FAM222B: variants seen among roughly 807,000 people sequenced by gnomAD.
FAM222B encodes the protein family with sequence similarity 222 member B.
A neutral mutation model predicts 38.0 loss-of-function variants in FAM222B; 12 were observed. The observed-to-expected ratio is 0.32, with a 90% CI of 0.20 to 0.51. The LOEUF is 0.51. Ranked by LOEUF, FAM222B falls within the 20% of genes least tolerant of loss-of-function variation. FAM222B has a pLI of 0.97. For synonymous variants in FAM222B, 329 were observed against 317.2 expected (o/e 1.04, Z -0.40); for missense variants, 716 against 754.2 (o/e 0.95, Z 0.59).
upstream of FAM222B, among the ~76,000 whole-genome samples, chr17:28,845,600 AAAAT>A (rs923487894): frequency 1.1e-4 from 16 of 151,886 alleles, no homozygotes; most frequent in Admixed American, 2.6e-4. Context: ...AAAAAAAGAA[AAAAT>A]AAATAAATAG....
intron 1 of FAM222B, among the ~76,000 whole-genome samples, chr17:28,772,863 C>G (rs1371224299): frequency 6.6e-6 from 1 of 152,126 alleles, no homozygotes; most frequent in Non-Finnish European, 1.5e-5. Flanking sequence ...CCACTGCACT[C>G]CAGCCTCGGC....
intron 1 of FAM222B, among the ~76,000 whole-genome samples, chr17:28,826,452 C>T (rs2038443224): frequency 6.6e-6 from 1 of 151,916 alleles, no homozygotes. Context: ...AGGCCGAGGC[C>T]AGTGGATCAC....
intron 1 of FAM222B, among the ~76,000 whole-genome samples, chr17:28,803,566 G>A (rs2037337998): frequency 6.6e-6 from 1 of 151,910 alleles, no homozygotes; most frequent in South Asian, 2.1e-4. Context: ...CAAAGTGTTG[G>A]GATTACAGGC....
intron 1 of FAM222B, chr17:28,849,631 G>T: frequency 6.6e-6 from 1 of 152,126 alleles, no homozygotes. Context: ...TTAGGAAGTG[G>T]CCAAATTTGG....
At position 28,829,890 on chromosome 17, in the gene FAM222B, C is replaced by G. The variant is rs563039881; in HGVS notation, c.-41+12792G>C. ...ACCGAGTCTCACTCTGTCTCCCAAGCTGGAGTTGGAGTGCAGTGGCGCGAT... is the reference window on the plus strand; with the variant it reads ...ACCGAGTCTCACTCTGTCTCCCAAGGTGGAGTTGGAGTGCAGTGGCGCGAT... On this transcript the variant is annotated intron_variant, in intron 1 of 2. Transcript: ENST00000581407. Among the ~76,000 whole-genome samples, 156 of 152,082 alleles carry G rather than the reference C, an allele frequency of 1.0e-3. 1 individual carries two copies. The highest frequency in any genetic ancestry group is 3.3e-3 in the African/African-American group (137 of 41,490).
At chr17:28,820,743 C>T (rs150215468) in intron 1 of FAM222B, among the ~76,000 whole-genome samples, 2 of 151,850 alleles carry the variant, frequency 1.3e-5, no homozygotes, top group South Asian at 2.1e-4. Context: ...AAGCAATTCT[C>T]GTGCCTTGGC....
chr17:28,805,585 T>A (rs2037453312), intron 1 of FAM222B, among the ~76,000 whole-genome samples: 1 of 150,278 alleles, frequency 6.7e-6, no homozygotes, highest in Non-Finnish European at 1.5e-5. Flanking sequence ...GCCCAAGGGG[T>A]GGAGACTGCA....
At chr17:28,760,369 G>C (rs778501208) in intron 2 of FAM222B, among the ~76,000 whole-genome samples, 1 of 152,088 alleles carries the variant, frequency 6.6e-6, no homozygotes, top group Non-Finnish European at 1.5e-5. Flanking sequence ...GAGGTCAGGA[G>C]TTCAAGACCA....
chr17:28,790,863 T>A (rs2151869139), intron 1 of FAM222B, among the ~76,000 whole-genome samples: 1 of 147,878 alleles, frequency 6.8e-6, no homozygotes, highest in Admixed American at 6.8e-5. Flanking sequence ...ACAACTGTTC[T>A]ATATATTTCA....
chr17:28,839,398 A>C (rs1188564678), intron 1 of FAM222B, among the ~76,000 whole-genome samples: 1 of 152,104 alleles, frequency 6.6e-6, no homozygotes, highest in Non-Finnish European at 1.5e-5. Flanking sequence ...TCATTTTGTA[A>C]GGTCATTTAC....
chr17:28,759,849 G>A lies in FAM222B; in HGVS notation c.110C>T (p.Ala37Val), dbSNP rs1446832199. Residue 37 changes from alanine to valine, a missense_variant, in exon 3 of 3, where the codon GCT becomes GTT. By Grantham distance (64) the Ala-to-Val change is moderately conservative (BLOSUM62 0). Transcript: ENST00000581407. The surrounding 1 kb of genome is among the most constrained non-coding windows in gnomAD (Gnocchi z 4.8). ...KWDTTQKMRT[A>V]HYPTPAELDA... Reference sequence around the variant, plus strand: ...CAATTCGGCTGGGGTAGGATAGTGAGCAGTTCTCATTTTCTGTGTAGTGTC... The same window carrying A: ...CAATTCGGCTGGGGTAGGATAGTGAACAGTTCTCATTTTCTGTGTAGTGTC... 2 of 1,557,420 alleles carry A rather than the reference G, an allele frequency of 1.3e-6. No individual in the cohort carries two copies. Among genetic ancestry groups the A allele is most frequent in the Non-Finnish European group, 1.7e-6 (2 of 1,150,476 alleles).
intron 1 of FAM222B, chr17:28,812,066 G>T (rs1043375240): frequency 1.3e-5 from 2 of 151,656 alleles, no homozygotes; most frequent in Non-Finnish European, 2.9e-5. Flanking sequence ...TGAAGGGAAG[G>T]AAAAAAAATG....
intron 1 of FAM222B, chr17:28,790,287 T>C (rs1044230733): frequency 2.0e-5 from 3 of 152,146 alleles, no homozygotes; most frequent in Admixed American, 6.6e-5. Flanking sequence ...AAAGGGAAAA[T>C]GAGTAACTTT....
At chr17:28,784,737 G>T (rs1241678012) in intron 1 of FAM222B, among the ~76,000 whole-genome samples, 7 of 151,948 alleles carry the variant, frequency 4.6e-5, no homozygotes, top group African/African-American at 1.7e-4. Flanking sequence ...GGCTGAGGCA[G>T]GAGAATTGCT....
At chr17:28,779,248 A>G (rs1442118957) in intron 1 of FAM222B, among the ~76,000 whole-genome samples, 1 of 152,174 alleles carries the variant, frequency 6.6e-6, no homozygotes, top group Non-Finnish European at 1.5e-5. Flanking sequence ...TTACAGGTCA[A>G]TATCCCTGAT....
intron 1 of FAM222B, among the ~76,000 whole-genome samples, chr17:28,791,064 C>A (rs914851310): frequency 6.6e-6 from 1 of 151,124 alleles, no homozygotes; most frequent in Non-Finnish European, 1.5e-5. Context: ...CCCGCCACCA[C>A]GCCCAGCTAA....
At chr17:28,849,388 C>G (rs1188283842) in intron 1 of FAM222B, 1 of 151,882 alleles carries the variant, frequency 6.6e-6, no homozygotes. Context: ...AGCATATCAA[C>G]TTATTTTCTC....
rs550920977 is a variant in FAM222B, at chr17:28,824,717, A to G, written c.-41+17965T>C. On this transcript the variant is annotated intron_variant, in intron 1 of 2. Transcript: ENST00000581407. ...TACCATCACCCCAGTCCAAGTTACC[A>G]TAAAGTCTCATTTGATTCGTGCAAA... Among the ~76,000 whole-genome samples the G allele has an allele frequency of 2.8e-4, 43 of 152,264 alleles. 1 individual carries two copies. The highest frequency in any genetic ancestry group is 1.0e-3 in the African/African-American group (42 of 41,574).
At chr17:28,820,095 AGG>A (rs2038157968) in intron 1 of FAM222B, among the ~76,000 whole-genome samples, 1 of 152,234 alleles carries the variant, frequency 6.6e-6, no homozygotes, top group African/African-American at 2.4e-5. Context: ...AGCAACACAC[AGG>A]TCCCTATACT....
Sources: allele counts gnomAD v4.1 joint callset (sites outside exome capture counted in the v4.1 genomes callset), GRCh38; gene constraint gnomAD v4.1.1; non-coding constraint Gnocchi (gnomAD v3.1); transcripts MANE v1.5; gene names NCBI Gene and HGNC (gene_info 2026-07-23, HGNC 2026-07-21).